The following ZBTB16 variants were observed in gnomAD, a reference collection of about 807,000 sequenced individuals.
ZBTB16 encodes the protein zinc finger and BTB domain-containing protein 16.
A neutral mutation model predicts 56.8 loss-of-function variants in ZBTB16; 8 were observed. The observed-to-expected ratio is 0.14, with a 90% confidence interval of 0.08 to 0.25. The LOEUF (loss-of-function observed/expected upper bound fraction) is 0.25, where lower values mean the gene tolerates loss of function less well. ZBTB16 is among the 10% of genes least tolerant of loss of function. The pLI is 1.00. For missense variants in ZBTB16, 625 were observed against 903.0 expected, an observed-to-expected ratio of 0.69 and a Z score of 3.95; for synonymous variants, 363 against 368.5, an observed-to-expected ratio of 0.98 and a Z score of 0.17.
chr11:114,115,192 CCTT>C (rs980287425), intron 2 of ZBTB16, among the ~76,000 whole-genome samples: 2 of 152,094 alleles, frequency 1.3e-5, no homozygotes, highest in African/African-American at 4.8e-5. Context: ...TTGGGAAAGA[CCTT>C]CTAGAGAAAA....
chr11:114,073,447 G>A (rs1565609846), intron 2 of ZBTB16, among the ~76,000 whole-genome samples: 1 of 152,190 alleles, frequency 6.6e-6, no homozygotes, highest in Non-Finnish European at 1.5e-5. Context: ...AAGCCCCGGT[G>A]TCCTTATTAT....
chr11:114,174,939 G>A (rs1203393279), intron 3 of ZBTB16, among the ~76,000 whole-genome samples: 2 of 152,204 alleles, frequency 1.3e-5, no homozygotes, highest in African/African-American at 4.8e-5. Context: ...TCCCATCACA[G>A]GCAGTTTAGT....
At chr11:114,138,890 C>A (rs1444560406) in intron 2 of ZBTB16, among the ~76,000 whole-genome samples, 1 of 151,928 alleles carries the variant, frequency 6.6e-6, no homozygotes, top group Non-Finnish European at 1.5e-5. Flanking sequence ...GGGGTTTCAC[C>A]ATGTTGGCCA....
At chr11:114,220,366 A>G (rs1355033277) in intron 4 of ZBTB16, among the ~76,000 whole-genome samples, 1 of 152,164 alleles carries the variant, frequency 6.6e-6, no homozygotes, top group African/African-American at 2.4e-5. Flanking sequence ...CAATGCATGC[A>G]TGTGAGTGTG....
At chr11:114,166,352 AGATTGCAG>A (rs1183250499) in intron 3 of ZBTB16, among the ~76,000 whole-genome samples, 1 of 151,832 alleles carries the variant, frequency 6.6e-6, no homozygotes, top group Non-Finnish European at 1.5e-5. Context: ...AGGTTGGTGA[AGATTGCAG>A]GATTGGACAG....
Position 114,060,945 on chromosome 11 carries a change from C to T in ZBTB16, c.-91+1063C>T, listed in dbSNP as rs1219414042. ...CTGCGGGGCTTTTGTGCTTCCCCTT[C>T]GCCGCGGGGCGGGTCCGCCTCCCCT... is the stretch of plus-strand genomic sequence containing the variant. On this transcript the variant is annotated intron_variant, in intron 1 of 6. Coordinates refer to ENST00000335953, the MANE Select transcript of ZBTB16 (RefSeq NM_006006.6). This position sits in a 1 kb window ranked among gnomAD's most constrained non-coding sequence, Gnocchi z 6.0. 6.6e-6 allele frequency among the ~76,000 whole-genome samples: 1 copy of T among 152,124 alleles called. No homozygotes were observed. The highest frequency in any genetic ancestry group is 2.4e-5 in the African/African-American group (1 of 41,450).
intron 6 of ZBTB16, 88 bp downstream of exon 6, chr11:114,247,453 G>A: frequency 1.3e-6 from 2 of 1,569,338 alleles, no homozygotes; most frequent in South Asian, 1.1e-5. Flanking sequence ...GCCTAAGTGA[G>A]GATGATCCCA....
chr11:114,176,685 CCT>C (rs1423294476), intron 3 of ZBTB16, among the ~76,000 whole-genome samples: 1 of 152,212 alleles, frequency 6.6e-6, no homozygotes, highest in African/African-American at 2.4e-5. Context: ...CTCATGAACA[CCT>C]GTTCATCCTT....
chr11:114,123,222 T>C (rs1444123462), intron 2 of ZBTB16, among the ~76,000 whole-genome samples: 2 of 152,120 alleles, frequency 1.3e-5, no homozygotes, highest in Non-Finnish European at 2.9e-5. Flanking sequence ...ATATTAATTG[T>C]AGAGGGGCAC....
At chr11:114,244,139 G>A (rs943227075) in intron 5 of ZBTB16, among the ~76,000 whole-genome samples, 4 of 152,158 alleles carry the variant, frequency 2.6e-5, no homozygotes, top group African/African-American at 7.2e-5. Context: ...TGCTGGGGCC[G>A]GGTGTTTAGC....
rs1176318854 is a variant in ZBTB16, at chr11:114,190,756, CACATAT to C, written c.1453+3720_1453+3725del. On this transcript the variant is annotated intron_variant, in intron 4 of 6. Transcript: ENST00000335953. ...ACACACACACACACACACACACACA[CACATAT>C]ATATACACACATGTGTATACATACA... Among the ~76,000 whole-genome samples, 460 of 113,490 alleles carry C rather than the reference CACATAT, an allele frequency of 4.1e-3. 1 individual carries two copies. The highest frequency in any genetic ancestry group is 9.2e-3 in the African/African-American group (342 of 37,162). 74.5% of individuals were successfully genotyped at this position (113,490 alleles called of 152,430 possible). A position where few individuals can be genotyped will look rare whatever the true frequency, so the allele number is the denominator to read the frequency against.
At chr11:114,085,024 C>T (rs944309704) in intron 2 of ZBTB16, among the ~76,000 whole-genome samples, 1 of 152,092 alleles carries the variant, frequency 6.6e-6, no homozygotes, top group East Asian at 1.9e-4. Context: ...CTGTGGTAGG[C>T]GGTGATTGAG....
Position 114,252,486 on chromosome 11 carries a change from G to A in ZBTB16, c.*1931G>A, listed in dbSNP as rs1045897584. On this transcript the variant is annotated 3_prime_UTR_variant, in exon 7 of 7. Coordinates refer to ENST00000335953, the MANE Select transcript of ZBTB16 (RefSeq NM_006006.6). Reference sequence around the variant, plus strand: ...CCAGTTGTTCTTTTGTTCCTTTCCCGCCTCCCATTCTGCTGCTCTTCCTCC... The same window carrying A: ...CCAGTTGTTCTTTTGTTCCTTTCCCACCTCCCATTCTGCTGCTCTTCCTCC... 1.6e-4 allele frequency among the ~76,000 whole-genome samples: 25 copies of A among 151,952 alleles called. No homozygotes were observed. The highest frequency in any genetic ancestry group is 4.8e-4 in the African/African-American group (20 of 41,408).
intron 4 of ZBTB16, among the ~76,000 whole-genome samples, chr11:114,235,853 C>A (rs1333163027): frequency 4.7e-5 from 7 of 147,948 alleles, no homozygotes; most frequent in Non-Finnish European, 7.4e-5. Flanking sequence ...GTCATACATG[C>A]CCTGTAGTCA....
chr11:114,069,505 T>G (rs932274829), intron 2 of ZBTB16, among the ~76,000 whole-genome samples: 1 of 152,214 alleles, frequency 6.6e-6, no homozygotes, highest in Admixed American at 6.5e-5. Flanking sequence ...GTGCATGAGC[T>G]TTGTGGCTAA....
At chr11:114,142,531 T>C (rs530227362) in intron 2 of ZBTB16, among the ~76,000 whole-genome samples, 38 of 152,370 alleles carry the variant, frequency 2.5e-4, no homozygotes, top group Middle Eastern at 3.4e-3. Flanking sequence ...GCTGTTGACA[T>C]AAATTTGGAA....
At chr11:114,247,831 A>G (rs1228566235) in intron 6 of ZBTB16, among the ~76,000 whole-genome samples, 1 of 152,170 alleles carries the variant, frequency 6.6e-6, no homozygotes, top group Non-Finnish European at 1.5e-5. Flanking sequence ...TTTGGTTCTG[A>G]GATTAGAAGA....
chr11:114,066,171 G>A (rs1055592555), intron 2 of ZBTB16, among the ~76,000 whole-genome samples: 1 of 152,172 alleles, frequency 6.6e-6, no homozygotes, highest in Non-Finnish European at 1.5e-5. Context: ...AGGTACGGGG[G>A]ATGTGAGTGA....
intron 2 of ZBTB16, among the ~76,000 whole-genome samples, chr11:114,106,765 T>A (rs966628040): frequency 1.3e-5 from 2 of 152,226 alleles, no homozygotes; most frequent in Non-Finnish European, 2.9e-5. Flanking sequence ...TGAGCCACTG[T>A]GCCTGTCCCA....
Sources: gnomAD v4.1 joint callset for allele counts (sites outside exome capture counted in the v4.1 genomes callset) on GRCh38, gnomAD v4.1.1 for gene constraint, Gnocchi (gnomAD v3.1) non-coding constraint, MANE v1.5 for transcripts, NCBI Gene and HGNC (gene_info 2026-07-23, HGNC 2026-07-21) for gene names.